Variants in EPC1 observed in about 807,000 individuals in gnomAD.
The protein encoded by EPC1 is enhancer of polycomb homolog 1.
A neutral mutation model predicts 98.4 loss-of-function variants in EPC1; 12 were observed. That is an observed-to-expected ratio of 0.12 (90% CI 0.08 to 0.20). The LOEUF (loss-of-function observed/expected upper bound fraction) is 0.20, where lower values mean the gene tolerates loss of function less well. Ranked by LOEUF, EPC1 falls within the 10% of genes least tolerant of loss-of-function variation. The probability of loss-of-function intolerance (pLI) is 1.00; values close to 1 mark genes in which losing one functional copy is unlikely to be tolerated. For missense variants in EPC1, 729 were observed against 990.5 expected, an observed-to-expected ratio of 0.74 and a Z score of 3.54; for synonymous variants, 357 against 363.9, an observed-to-expected ratio of 0.98 and a Z score of 0.21.
At chr10:32,334,367 T>A (rs1266490802) in intron 1 of EPC1, among the ~76,000 whole-genome samples, 1 of 151,792 alleles carries the variant, frequency 6.6e-6, no homozygotes, top group Non-Finnish European at 1.5e-5. Flanking sequence ...TTAAGGAACA[T>A]CCAAGAAGTC....
chr10:32,299,413 T>C (rs2132774899), intron 2 of EPC1, among the ~76,000 whole-genome samples: 1 of 152,276 alleles, frequency 6.6e-6, no homozygotes, highest in African/African-American at 2.4e-5. Context: ...CTTGAACTCC[T>C]GACTTCAGGT....
intron 1 of EPC1, among the ~76,000 whole-genome samples, chr10:32,362,564 A>T (rs1016939359): frequency 6.6e-6 from 1 of 152,204 alleles, no homozygotes; most frequent in Non-Finnish European, 1.5e-5. Context: ...AGCCGAGCAG[A>T]TGCCAGCATC....
intron 1 of EPC1, among the ~76,000 whole-genome samples, chr10:32,316,627 A>AT (rs1836565318): frequency 6.6e-6 from 1 of 152,244 alleles, no homozygotes; most frequent in Non-Finnish European, 1.5e-5. Flanking sequence ...AAAAAATATC[A>AT]TAACAGTAGT....
At chr10:32,370,555 C>T (rs1333435905) in intron 1 of EPC1, among the ~76,000 whole-genome samples, 2 of 152,198 alleles carry the variant, frequency 1.3e-5, no homozygotes, top group East Asian at 3.9e-4. Context: ...CTGGGTGATT[C>T]TCCATACAGG....
intron 2 of EPC1, among the ~76,000 whole-genome samples, chr10:32,302,235 C>T (rs997674099): frequency 6.7e-6 from 1 of 149,584 alleles, no homozygotes; most frequent in African/African-American, 2.5e-5. Flanking sequence ...AGCAAGACTC[C>T]GTCTCAAAAA....
At chr10:32,350,806 A>G (rs926916582), upstream of EPC1, among the ~76,000 whole-genome samples, 9 of 152,240 alleles carry the variant, frequency 5.9e-5, no homozygotes, top group African/African-American at 2.2e-4. Context: ...GTGGTAACTA[A>G]TACATTTGAA....
intron 1 of EPC1, among the ~76,000 whole-genome samples, chr10:32,366,072 G>T (rs1384732229): frequency 6.6e-6 from 1 of 152,122 alleles, no homozygotes; most frequent in Non-Finnish European, 1.5e-5. Flanking sequence ...AGAGGAGGTT[G>T]CAGTGAGCCG....
At chr10:32,339,470 G>A (rs1190313012) in intron 1 of EPC1, among the ~76,000 whole-genome samples, 2 of 151,990 alleles carry the variant, frequency 1.3e-5, no homozygotes, top group African/African-American at 4.8e-5. Flanking sequence ...GCTTGAATCT[G>A]GGAGGTGGAG....
chr10:32,326,698 TATA>T (rs1837299929), intron 1 of EPC1, among the ~76,000 whole-genome samples: 1 of 152,140 alleles, frequency 6.6e-6, no homozygotes, highest in Non-Finnish European at 1.5e-5. Context: ...AAAAGTCAGT[TATA>T]ATAACTTGAA....
intron 1 of EPC1, among the ~76,000 whole-genome samples, chr10:32,366,355 C>A (rs1175646067): frequency 6.6e-6 from 1 of 152,056 alleles, no homozygotes; most frequent in Non-Finnish European, 1.5e-5. Flanking sequence ...GCACACCCTG[C>A]TTGTAAACTC....
intron 1 of EPC1, among the ~76,000 whole-genome samples, chr10:32,365,130 G>A (rs1839562517): frequency 6.6e-6 from 1 of 152,106 alleles, no homozygotes; most frequent in African/African-American, 2.4e-5. Flanking sequence ...TGGCCTATTA[G>A]TTAGTAATTG....
intron 3 of EPC1, 51 bp downstream of exon 3, chr10:32,293,541 G>C (rs1460367846): frequency 6.5e-6 from 10 of 1,542,322 alleles, no homozygotes; most frequent in African/African-American, 1.4e-5. Flanking sequence ...ATACAATACA[G>C]TTCTTTACAT....
At chr10:32,303,396 G>C (rs1280615761) in intron 2 of EPC1, among the ~76,000 whole-genome samples, 1 of 152,106 alleles carries the variant, frequency 6.6e-6, no homozygotes, top group African/African-American at 2.4e-5. Flanking sequence ...TCAAAAACTG[G>C]AAACTACCCA....
rs751365862 is a variant in EPC1 at position 32,272,170 on chromosome 10, AAAAAG to A, written c.1864-8_1864-4del. 3.7e-6 allele frequency: 6 copies of A among 1,600,878 alleles called. No homozygotes were observed. The Admixed American group carries it at 7.1e-5, about 19-fold the overall frequency. On this transcript the variant is annotated splice_region_variant and splice_polypyrimidine_tract_variant and intron_variant, in intron 11 of 13. Transcript: ENST00000319778. ...TCCAAAGTCTTAGAAACAAAACCCTAAAAAGAAAATACAAAAGAAATCTAATCAGT... is the reference window on the plus strand; with the variant it reads ...TCCAAAGTCTTAGAAACAAAACCCTAAAAATACAAAAGAAATCTAATCAGT...
At chr10:32,284,563 C>T in intron 10 of EPC1, 135 bp downstream of exon 10, 2 of 683,390 alleles carry the variant, frequency 2.9e-6, no homozygotes, top group Non-Finnish European at 4.7e-6. Flanking sequence ...AATACTTAGA[C>T]CAAGATTTTT....
intron 1 of EPC1, among the ~76,000 whole-genome samples, chr10:32,360,535 C>T (rs572848047): frequency 6.6e-6 from 1 of 152,240 alleles, no homozygotes; most frequent in African/African-American, 2.4e-5. Flanking sequence ...CACGGGTTTC[C>T]ATATTTGCTG....
chr10:32,307,025 A>G (rs1246401831), intron 1 of EPC1, among the ~76,000 whole-genome samples: 1 of 152,228 alleles, frequency 6.6e-6, no homozygotes, highest in Non-Finnish European at 1.5e-5. Flanking sequence ...GTAAAGGAAT[A>G]TATATATTCC....
At chr10:32,271,278 A>C (rs574055066) in intron 13 of EPC1, among the ~76,000 whole-genome samples, 27 of 152,320 alleles carry the variant, frequency 1.8e-4, no homozygotes, top group African/African-American at 6.3e-4. Flanking sequence ...GGCGTGAGCC[A>C]CTGCACCTGG....
chr10:32,350,531 G>A (rs200888855), upstream of EPC1, among the ~76,000 whole-genome samples: 67 of 152,278 alleles, frequency 4.4e-4, 1 homozygote, highest in South Asian at 8.3e-3. Context: ...GGTGAGAGGC[G>A]GCAACTGTCA....
Sources: allele counts gnomAD v4.1 joint callset (sites outside exome capture counted in the v4.1 genomes callset), GRCh38; gene constraint gnomAD v4.1.1; transcripts MANE v1.5; gene names NCBI Gene and HGNC (gene_info 2026-07-23, HGNC 2026-07-21).